ASIC2: variants seen among roughly 807,000 people sequenced by gnomAD.
ASIC2 encodes acid-sensing ion channel 2.
Under a neutral mutation model 57.3 loss-of-function variants are expected in ASIC2, and 25 were observed. That is an observed-to-expected ratio of 0.44 (90% CI 0.32 to 0.61). ASIC2 has a LOEUF of 0.61. Ranked by LOEUF, ASIC2 falls within the 20% of genes least tolerant of loss-of-function variation. The probability of loss-of-function intolerance (pLI) is 0.06; values close to 1 mark genes in which losing one functional copy is unlikely to be tolerated. For synonymous variants in ASIC2, 319 were observed against 307.5 expected, an observed-to-expected ratio of 1.04 and a Z score of -0.39; for missense variants, 641 against 738.1, an observed-to-expected ratio of 0.87 and a Z score of 1.52.
chr17:33,356,483 C>G (rs778840205), intron 1 of ASIC2, among the ~76,000 whole-genome samples: 2 of 152,112 alleles, frequency 1.3e-5, no homozygotes, highest in African/African-American at 2.4e-5. Flanking sequence ...CACAAGCACA[C>G]CCCTCCCTGA....
At chr17:33,822,837 G>A (rs1912787891) in intron 1 of ASIC2, among the ~76,000 whole-genome samples, 1 of 152,142 alleles carries the variant, frequency 6.6e-6, no homozygotes, top group Non-Finnish European at 1.5e-5. Context: ...GAAAGATGTC[G>A]TTATCTACAA....
chr17:33,979,405 G>A (rs952047603), intron 1 of ASIC2, among the ~76,000 whole-genome samples: 7 of 152,142 alleles, frequency 4.6e-5, no homozygotes, highest in African/African-American at 1.2e-4. Flanking sequence ...CCACCCAGCC[G>A]AGCTCCACCA....
chr17:33,822,746 G>A (rs74558145), intron 1 of ASIC2, among the ~76,000 whole-genome samples: 5,809 of 152,270 alleles, frequency 0.038, 138 homozygotes, highest in Middle Eastern at 0.1. Context: ...CAAGTAAATG[G>A]CCTGGGATGT....
chr17:33,956,083 G>A (rs1904725977), intron 1 of ASIC2, among the ~76,000 whole-genome samples: 1 of 152,162 alleles, frequency 6.6e-6, no homozygotes, highest in South Asian at 2.1e-4. Flanking sequence ...CAGAGGTAGA[G>A]TGCCTGACAC....
chr17:33,816,390 C>A (rs1210165800), intron 1 of ASIC2, among the ~76,000 whole-genome samples: 1 of 152,148 alleles, frequency 6.6e-6, no homozygotes, highest in Non-Finnish European at 1.5e-5. Flanking sequence ...CTGTTAATGT[C>A]CATCATGAGC....
intron 1 of ASIC2, among the ~76,000 whole-genome samples, chr17:33,192,997 T>C (rs890062168): frequency 6.6e-6 from 1 of 152,206 alleles, no homozygotes; most frequent in Non-Finnish European, 1.5e-5. Context: ...ACCTGTGGTC[T>C]GGAGGGCAGA....
In ASIC2 at chr17:33,386,419, C is replaced by G. The variant is rs116119399; in HGVS notation, c.556-274352G>C. On this transcript the variant is annotated intron_variant, in intron 1 of 9. Transcript: ENST00000359872. ...AGTTATTCATTCCAGTGAATGGCAC[C>G]ACTGTATACTCAGTTGAAAACCTGG... 8.0e-3 allele frequency among the ~76,000 whole-genome samples: 1,225 copies of G among 152,294 alleles called. 15 individuals are homozygous for G. Among genetic ancestry groups the G allele is most frequent in the African/African-American group, 0.026 (1,101 of 41,568 alleles).
At chr17:33,569,603 T>G (rs1257155696) in intron 1 of ASIC2, 1 of 152,106 alleles carries the variant, frequency 6.6e-6, no homozygotes, top group Non-Finnish European at 1.5e-5. Context: ...GTGCACTTAT[T>G]CATCCATCCA....
intron 1 of ASIC2, among the ~76,000 whole-genome samples, chr17:33,480,482 C>T (rs530615503): frequency 2.4e-4 from 37 of 152,062 alleles, no homozygotes; most frequent in African/African-American, 8.0e-4. Context: ...CCTTCATAAA[C>T]GAGGAATTGG....
chr17:33,880,661 C>T (rs991981039), intron 1 of ASIC2, among the ~76,000 whole-genome samples: 5 of 152,132 alleles, frequency 3.3e-5, no homozygotes, highest in South Asian at 2.1e-4. Flanking sequence ...GATTCACAGC[C>T]GAATTCTACC....
chr17:33,602,980 T>G (rs1905145530), intron 1 of ASIC2, among the ~76,000 whole-genome samples: 1 of 152,218 alleles, frequency 6.6e-6, no homozygotes, highest in South Asian at 2.1e-4. Flanking sequence ...CCAATATCTC[T>G]TATGCAGAGA....
intron 1 of ASIC2, among the ~76,000 whole-genome samples, chr17:33,641,309 A>G (rs1329872005): frequency 6.6e-6 from 1 of 152,246 alleles, no homozygotes; most frequent in African/African-American, 2.4e-5. Flanking sequence ...ACAAAACAGA[A>G]GAACCCACCT....
intron 1 of ASIC2, among the ~76,000 whole-genome samples, chr17:33,176,443 C>T (rs1219405049): frequency 3.6e-4 from 55 of 152,152 alleles, no homozygotes; most frequent in Admixed American, 3.5e-3. Flanking sequence ...CTCCTGGGCT[C>T]AAGTAATTCT....
chr17:33,251,324 A>G (rs376814736), intron 1 of ASIC2, among the ~76,000 whole-genome samples: 1 of 152,078 alleles, frequency 6.6e-6, no homozygotes, highest in Non-Finnish European at 1.5e-5. Flanking sequence ...ATCAGCTACC[A>G]TCTTATCTTA....
intron 1 of ASIC2, chr17:33,692,564 C>A (rs186593117): frequency 5.9e-5 from 9 of 152,112 alleles, no homozygotes; most frequent in Admixed American, 1.3e-4. Context: ...GAAAATGTAC[C>A]GTGAAAATAC....
intron 1 of ASIC2, among the ~76,000 whole-genome samples, chr17:34,044,334 T>G (rs550471063): frequency 5.9e-5 from 9 of 152,214 alleles, no homozygotes; most frequent in African/African-American, 2.2e-4. Context: ...ATACAGTATT[T>G]TAGGCCAATA....
intron 1 of ASIC2, among the ~76,000 whole-genome samples, chr17:33,333,429 TA>T (rs1907393500): frequency 6.6e-6 from 1 of 152,184 alleles, no homozygotes; most frequent in African/African-American, 2.4e-5. Context: ...AGAGTTATCA[TA>T]AAGAGAACTT....
intron 1 of ASIC2, among the ~76,000 whole-genome samples, chr17:33,448,344 A>G (rs938568727): frequency 1.3e-5 from 2 of 152,324 alleles, no homozygotes; most frequent in East Asian, 3.9e-4. Context: ...CAGATATATC[A>G]GGTCCTAATC....
At chr17:33,937,646 A>T (rs541837531) in intron 1 of ASIC2, among the ~76,000 whole-genome samples, 1 of 152,248 alleles carries the variant, frequency 6.6e-6, no homozygotes, top group South Asian at 2.1e-4. Flanking sequence ...AAACTTTCCT[A>T]TGTTGGTATA....
Sources: allele counts gnomAD v4.1 joint callset (sites outside exome capture counted in the v4.1 genomes callset), GRCh38; gene constraint gnomAD v4.1.1; transcripts MANE v1.5; gene names NCBI Gene and HGNC (gene_info 2026-07-23, HGNC 2026-07-21).